Variants in ZZEF1 observed in about 807,000 individuals in gnomAD.
ZZEF1 encodes zinc finger ZZ-type and EF-hand domain containing 1.
Under a neutral mutation model 342.8 loss-of-function variants are expected in ZZEF1, and 157 were observed. The observed-to-expected ratio is 0.46, with a 90% CI of 0.40 to 0.52. The LOEUF is 0.52. ZZEF1 is among the 20% of genes least tolerant of loss of function. The pLI, the probability that ZZEF1 is intolerant of heterozygous loss-of-function variation, is 0.00. For synonymous variants in ZZEF1, 1,505 were observed against 1,429.1 expected, an observed-to-expected ratio of 1.05 and a Z score of -1.20; for missense variants, 3,480 against 3,725.6, an observed-to-expected ratio of 0.93 and a Z score of 1.72.
intron 10 of ZZEF1, 108 bp downstream of exon 10, chr17:4,096,501 G>T: frequency 1.1e-6 from 1 of 878,292 alleles, no homozygotes; most frequent in Non-Finnish European, 1.8e-6. Context: ...TTGCATGCCT[G>T]TATCAAAACA....
chr17:4,034,085 T>A lies in ZZEF1; in HGVS notation c.6514A>T (p.Ser2172Cys). ...AKHNLFAAGD[S>C]SIVPDGWKTT... ...TTCCAGCCATCTGGCACAATGGAACTGTCCCCTGCAGCAAACAGGTTGTGT... is the reference window on the plus strand; with the variant it reads ...TTCCAGCCATCTGGCACAATGGAACAGTCCCCTGCAGCAAACAGGTTGTGT... Residue 2172 changes from serine to cysteine, a missense_variant, in exon 40 of 55, where the codon AGT becomes TGT. This residue lies in a region of ZZEF1 where 1,269 missense variants were observed against 1,342.4 expected (regional missense o/e 0.95). Coordinates refer to ENST00000381638, the MANE Select transcript of ZZEF1 (RefSeq NM_015113.4). 3.1e-6 allele frequency: 5 copies of A among 1,614,212 alleles called. No individual in the cohort carries two copies. The East Asian group carries it at 6.7e-5, about 22-fold the overall frequency.
At position 4,017,827 on chromosome 17, in the gene ZZEF1, G is replaced by A. The variant is rs201294922; in HGVS notation, c.7641+9C>T. ...GCAGATACTTTGGGTCCGAGGTCGG[G>A]TGACATACCAAGCATGGCAGGATAA... On this transcript the variant is annotated intron_variant, in intron 47 of 54. Coordinates refer to ENST00000381638, the MANE Select transcript of ZZEF1 (RefSeq NM_015113.4). This position sits in a 1 kb window ranked among gnomAD's most constrained non-coding sequence, Gnocchi z 5.1. 1 of 1,614,150 alleles carries A rather than the reference G, an allele frequency of 6.2e-7. No homozygotes were observed. Among genetic ancestry groups the A allele is most frequent in the African/African-American group, 1.3e-5 (1 of 75,038 alleles).
chr17:4,016,809 T>G lies in ZZEF1; in HGVS notation c.8002-343A>C. On this transcript the variant is annotated intron_variant, in intron 48 of 54. Transcript: ENST00000381638. The surrounding 1 kb of genome is among the most constrained non-coding windows in gnomAD (Gnocchi z 4.4). ...AATAATGACCACACAATGTAATCGA[T>G]GCCTGGAGTGAGGTGCAGGGTTGGG... 4.5e-6 allele frequency: 1 copy of G among 222,306 alleles called. No homozygotes were observed. The highest frequency in any genetic ancestry group is 8.9e-6 in the Non-Finnish European group (1 of 112,084). 13.8% of individuals were successfully genotyped at this position (222,306 alleles called of 1,614,324 possible). A position where few individuals can be genotyped will look rare whatever the true frequency, so the allele number is the denominator to read the frequency against.
chr17:4,048,168 CTT>C (rs1420487878), intron 37 of ZZEF1, among the ~76,000 whole-genome samples: 3 of 152,142 alleles, frequency 2.0e-5, no homozygotes, highest in Admixed American at 1.3e-4. Context: ...ACAATGTTCT[CTT>C]TGTTCCCATC....
intron 3 of ZZEF1, among the ~76,000 whole-genome samples, chr17:4,115,536 G>C (rs1183902423): frequency 6.6e-6 from 1 of 152,002 alleles, no homozygotes; most frequent in Non-Finnish European, 1.5e-5. Context: ...GGTGGCACGT[G>C]CCTGTAATCC....
At chr17:4,135,249 T>C (rs539318969) in intron 1 of ZZEF1, among the ~76,000 whole-genome samples, 1 of 152,250 alleles carries the variant, frequency 6.6e-6, no homozygotes, top group East Asian at 1.9e-4. Context: ...CCCAAGGCAG[T>C]AGGATTGCTT....
chr17:4,120,702 A>C (rs2058468800), intron 2 of ZZEF1, among the ~76,000 whole-genome samples: 2 of 152,242 alleles, frequency 1.3e-5, no homozygotes, highest in South Asian at 4.1e-4. Flanking sequence ...ACATTTCAGG[A>C]GGCCAAGGTA....
At position 4,017,823 on chromosome 17, in the gene ZZEF1, T is replaced by C. The variant is rs539592182; in HGVS notation, c.7641+13A>G. ...GGGTGCAGATACTTTGGGTCCGAGG[T>C]CGGGTGACATACCAAGCATGGCAGG... On this transcript the variant is annotated intron_variant, in intron 47 of 54. Transcript: ENST00000381638. The surrounding 1 kb of genome is among the most constrained non-coding windows in gnomAD (Gnocchi z 5.1). 172 of 1,614,076 alleles carry C rather than the reference T, an allele frequency of 1.1e-4. 1 individual carries two copies. The South Asian group carries it at 1.8e-3, about 17-fold the overall frequency.
In ZZEF1 at chr17:4,115,141, T is replaced by C. The variant is rs149265965; in HGVS notation, c.695-671A>G. On this transcript the variant is annotated intron_variant, in intron 3 of 54. Transcript: ENST00000381638. ...GGCTCAAGTGATCCTCCTGCCTCAT[T>C]CTCCCAAGTAGCCGGGACTACAGGT... Among the ~76,000 whole-genome samples, 1,106 of 152,076 alleles carry C rather than the reference T, an allele frequency of 7.3e-3. 5 individuals carry two copies. The highest frequency in any genetic ancestry group is 0.014 in the Middle Eastern group (4 of 294).
In ZZEF1 at chr17:4,019,746, G is replaced by C; in HGVS notation, c.7428C>G (p.Ala2476=). Residue 2476 remains alanine (A), a synonymous_variant, in exon 46 of 55, where the codon GCC becomes GCG. Transcript: ENST00000381638. ...ATATGGCCCGGAGAATGTGCAGAGG[G>C]GCATTGAGGGCATCATGAGCCATCT... The part of the protein sequence containing the change: ...CFLMAHDALN[A]PLHILRAIYE... 6.2e-7 allele frequency: 1 copy of C among 1,610,460 alleles called. No individual in the cohort carries two copies. Among genetic ancestry groups the C allele is most frequent in the Non-Finnish European group, 8.5e-7 (1 of 1,179,040 alleles).
In ZZEF1 at chr17:4,016,365, C is replaced by T. The variant is rs760165799; in HGVS notation, c.8103G>A (p.Val2701=). 1.9e-6 allele frequency: 3 copies of T among 1,614,176 alleles called. 1 individual carries two copies. The highest frequency in any genetic ancestry group is 1.1e-5 in the South Asian group (1 of 91,084). ...FMEEPGMEVQ[V]RESKHPYNNN... ...TGTTATACGGGTGTTTCGACTCCCT[C>T]ACTTGCACCTCCATTCCTGGCTCCT... Residue 2701 remains valine, a synonymous_variant, in exon 49 of 55, where the codon GTG becomes GTA. Transcript: ENST00000381638. The surrounding 1 kb of genome is among the most constrained non-coding windows in gnomAD (Gnocchi z 4.4).
Position 4,034,077 on chromosome 17 carries a change from A to G in ZZEF1, c.6522T>C (p.Ile2174=), listed in dbSNP as rs1447230809. The G allele has an allele frequency of 1.2e-6, 2 of 1,614,224 alleles. No homozygotes were observed. Among genetic ancestry groups the G allele is most frequent in the South Asian group, 2.2e-5 (2 of 91,080 alleles). ...GGGTGGTTTTCCAGCCATCTGGCAC[A>G]ATGGAACTGTCCCCTGCAGCAAACA... ...HNLFAAGDSS[I]VPDGWKTTHL... is the part of the protein sequence containing the mutation. Residue 2174 remains isoleucine (I), a synonymous_variant, in exon 40 of 55, where the codon ATT becomes ATC. Transcript: ENST00000381638.
intron 1 of ZZEF1, among the ~76,000 whole-genome samples, chr17:4,134,310 C>A (rs1319602535): frequency 1.4e-5 from 2 of 147,292 alleles, no homozygotes; most frequent in African/African-American, 2.5e-5. Context: ...TAGATGAAGA[C>A]CCTGTCTCAA....
intron 24 of ZZEF1, among the ~76,000 whole-genome samples, chr17:4,073,154 G>A (rs1451076440): frequency 6.6e-6 from 1 of 152,132 alleles, no homozygotes; most frequent in Non-Finnish European, 1.5e-5. Context: ...GATGTGTTTA[G>A]AATAGGCAAA....
intron 30 of ZZEF1, among the ~76,000 whole-genome samples, chr17:4,062,030 C>T (rs995233469): frequency 3.3e-5 from 5 of 152,132 alleles, no homozygotes; most frequent in African/African-American, 4.8e-5. Context: ...TGATAAGGGT[C>T]CTGCCTTTCT....
At chr17:4,020,379 T>C (rs188804448) in intron 45 of ZZEF1, among the ~76,000 whole-genome samples, 49 of 152,370 alleles carry the variant, frequency 3.2e-4, no homozygotes, top group Admixed American at 6.5e-4. Flanking sequence ...GAATTGCATG[T>C]ATGCTCTGTG....
intron 40 of ZZEF1, chr17:4,033,333 C>CT (rs1360968125): frequency 1.9e-5 from 4 of 213,298 alleles, no homozygotes; most frequent in African/African-American, 9.2e-5. Flanking sequence ...GTCAGGGTGA[C>CT]TTTTTTCCTT....
chr17:4,109,646 G>T lies in ZZEF1; in HGVS notation c.1277+7C>A, dbSNP rs777789441. The T allele has an allele frequency of 6.2e-7, 1 of 1,613,886 alleles. No individual in the cohort carries two copies. The highest frequency in any genetic ancestry group is 1.1e-5 in the South Asian group (1 of 91,016). On this transcript the variant is annotated splice_region_variant and intron_variant, in intron 6 of 54. Coordinates refer to ENST00000381638, the MANE Select transcript of ZZEF1 (RefSeq NM_015113.4). ...GAGGGGGCTGGAACATAGAGAGAATGACTTACTGAGTATTGTGCAGCACTG... is the reference window on the plus strand; with the variant it reads ...GAGGGGGCTGGAACATAGAGAGAATTACTTACTGAGTATTGTGCAGCACTG...
intron 24 of ZZEF1, among the ~76,000 whole-genome samples, chr17:4,073,591 A>G (rs2057551863): frequency 6.6e-6 from 1 of 152,026 alleles, no homozygotes; most frequent in Admixed American, 6.6e-5. Context: ...ATATGCCACC[A>G]CACCTGGCTA....
Sources: allele counts gnomAD v4.1 joint callset (sites outside exome capture counted in the v4.1 genomes callset), GRCh38; gene constraint gnomAD v4.1.1; regional missense constraint gnomAD v4.1.1; non-coding constraint Gnocchi (gnomAD v3.1); transcripts MANE v1.5; gene names NCBI Gene and HGNC (gene_info 2026-07-23, HGNC 2026-07-21).